Variants in CHRNA9 observed in about 807,000 individuals in gnomAD.
CHRNA9 encodes the protein neuronal acetylcholine receptor subunit alpha-9.
A neutral mutation model predicts 36.8 loss-of-function variants in CHRNA9; 24 were observed. The observed-to-expected ratio is 0.65, with a 90% CI of 0.47 to 0.92. CHRNA9 has a LOEUF of 0.92. Among genes scored for constraint, CHRNA9 ranks in the 40% least tolerant of loss-of-function variants. The pLI, the probability that CHRNA9 is intolerant of heterozygous loss-of-function variation, is 0.00. For missense variants in CHRNA9, 610 were observed against 601.2 expected (o/e 1.01, Z -0.15); for synonymous variants, 231 against 231.8 (o/e 1.00, Z 0.03).
At chr4:40,344,273 G>A (rs1463371403) in intron 3 of CHRNA9, among the ~76,000 whole-genome samples, 1 of 152,214 alleles carries the variant, frequency 6.6e-6, no homozygotes, top group Non-Finnish European at 1.5e-5. Context: ...GCTCGTGCCT[G>A]TAATCCCAGC....
intron 3 of CHRNA9, chr4:40,337,944 A>T (rs1712375152): frequency 6.6e-6 from 1 of 152,498 alleles, no homozygotes; most frequent in African/African-American, 2.4e-5. Flanking sequence ...ACCCTACTCC[A>T]GCGTGACTTC....
At position 40,354,370 on chromosome 4, in the gene CHRNA9, C is replaced by T; in HGVS notation, c.1290C>T (p.Tyr430=). 6.2e-7 allele frequency: 1 copy of T among 1,614,202 alleles called. No homozygotes were observed. The change falls in exon 5 of 5, where the codon TAC becomes TAT. Residue 430 remains tyrosine, a synonymous_variant. Coordinates refer to ENST00000310169, the MANE Select transcript of CHRNA9 (RefSeq NM_017581.4). ...AAGTGCTGACGAGGAATATTGAGTA[C>T]ATCGCCAAGTGCCTCAAAGACCACA... ...QYKVLTRNIE[Y]IAKCLKDHKA... is the part of the protein sequence containing the mutation.
rs142492482 is a variant in CHRNA9 at position 40,340,566 on chromosome 4, C to T, written c.365+3202C>T. On this transcript the variant is annotated intron_variant, in intron 3 of 4. Transcript: ENST00000310169. ...CTGTAGAATCTTCTGATGCCAGATACAATATCATTGCTTCTCAGAAGCAGG... is the reference window on the plus strand; with the variant it reads ...CTGTAGAATCTTCTGATGCCAGATATAATATCATTGCTTCTCAGAAGCAGG... Among the ~76,000 whole-genome samples, 551 of 152,256 alleles carry T rather than the reference C, an allele frequency of 3.6e-3. 4 individuals are homozygous for T. The highest frequency in any genetic ancestry group is 4.3e-3 in the Non-Finnish European group (291 of 68,016).
chr4:40,349,337 C>A lies in CHRNA9; in HGVS notation c.821C>A (p.Thr274Asn), dbSNP rs1400898008. The change falls in exon 4 of 5, where the codon ACC (threonine) becomes AAC (asparagine). Residue 274 changes from threonine (T) to asparagine (N), a missense_variant. Thr to Asn is a moderately conservative substitution (Grantham distance 65). Coordinates refer to ENST00000310169, the MANE Select transcript of CHRNA9 (RefSeq NM_017581.4). ...ASGEKVSLGV[T>N]ILLAMTVFQL... ...GGAGAAAAGGTCTCCCTGGGAGTGACCATCCTGTTGGCCATGACTGTATTT... is the reference window on the plus strand; with the variant it reads ...GGAGAAAAGGTCTCCCTGGGAGTGAACATCCTGTTGGCCATGACTGTATTT... 1.2e-6 allele frequency: 2 copies of A among 1,614,116 alleles called. No individual in the cohort carries two copies. Among genetic ancestry groups the A allele is most frequent in the Admixed American group, 3.3e-5 (2 of 60,016 alleles).
intron 2 of CHRNA9, 123 bp downstream of exon 2, chr4:40,336,095 G>A: frequency 2.5e-6 from 2 of 801,620 alleles, no homozygotes; most frequent in Non-Finnish European, 4.0e-6. Context: ...GCAAGCTGGT[G>A]GGAGAAGAGA....
chr4:40,348,090 G>A (rs150692645), intron 3 of CHRNA9: 2 of 152,266 alleles, frequency 1.3e-5, no homozygotes, highest in Non-Finnish European at 2.9e-5. Context: ...GCCATCACTA[G>A]GGTGATGCTT....
Position 40,349,183 on chromosome 4 carries a change from C to G in CHRNA9, c.667C>G (p.Pro223Ala). Residue 223 changes from proline (P) to alanine (A), a missense_variant, in exon 4 of 5, where the codon CCT becomes GCT. Transcript: ENST00000310169. ...NVISYGCCSEPYPDVTFTLLL... is the reference protein window; with the variant it reads ...NVISYGCCSEAYPDVTFTLLL... The stretch of plus-strand genomic sequence containing the variant: ...GATCTCCTATGGCTGCTGCTCTGAG[C>G]CTTACCCGGATGTCACATTCACCCT... 1 of 1,614,168 alleles carries G rather than the reference C, an allele frequency of 6.2e-7. No individual in the cohort carries two copies. Among genetic ancestry groups the G allele is most frequent in the Non-Finnish European group, 8.5e-7 (1 of 1,180,030 alleles).
chr4:40,343,691 C>T (rs530510615), intron 3 of CHRNA9, among the ~76,000 whole-genome samples: 9 of 152,318 alleles, frequency 5.9e-5, no homozygotes, highest in African/African-American at 2.2e-4. Context: ...TTAAACATGC[C>T]TTCCCAACCT....
intron 4 of CHRNA9, among the ~76,000 whole-genome samples, chr4:40,352,418 T>A (rs1159008096): frequency 6.6e-6 from 1 of 152,092 alleles, no homozygotes. Flanking sequence ...AGAGACGGGG[T>A]TTCACCATGT....
chr4:40,336,112 G>A (rs1712312057), intron 2 of CHRNA9, 140 bp downstream of exon 2: 2 of 709,558 alleles, frequency 2.8e-6, no homozygotes, highest in Admixed American at 2.5e-5. Flanking sequence ...GAGAATGTCG[G>A]GAAAAGGAAG....
chr4:40,351,841 A>T (rs1334292116), intron 4 of CHRNA9, among the ~76,000 whole-genome samples: 1 of 152,240 alleles, frequency 6.6e-6, no homozygotes, highest in East Asian at 1.9e-4. Flanking sequence ...TTCTTATGAT[A>T]CATTATCCTT....
intron 3 of CHRNA9, among the ~76,000 whole-genome samples, chr4:40,343,826 G>T (rs1046951084): frequency 6.6e-6 from 1 of 152,210 alleles, no homozygotes; most frequent in African/African-American, 2.4e-5. Context: ...TCTGCATGGA[G>T]CTGGGGCTTT....
chr4:40,353,515 A>G (rs1712861668), intron 4 of CHRNA9, among the ~76,000 whole-genome samples: 1 of 151,982 alleles, frequency 6.6e-6, no homozygotes, highest in Non-Finnish European at 1.5e-5. Flanking sequence ...AGTCTATACT[A>G]TTAACCACTA....
At chr4:40,345,816 G>A (rs1203033967) in intron 3 of CHRNA9, among the ~76,000 whole-genome samples, 1 of 152,224 alleles carries the variant, frequency 6.6e-6, no homozygotes, top group African/African-American at 2.4e-5. Context: ...CCTGAGGTCA[G>A]GAGTTCAAGA....
At chr4:40,339,597 C>T (rs1327837198) in intron 3 of CHRNA9, among the ~76,000 whole-genome samples, 4 of 137,940 alleles carry the variant, frequency 2.9e-5, no homozygotes, top group Admixed American at 1.6e-4. Context: ...ACCCGGGAGG[C>T]GGAGCTTGCA....
chr4:40,354,052 C>A lies in CHRNA9; in HGVS notation c.972C>A (p.His324Gln), dbSNP rs750603505. 2.5e-6 allele frequency: 4 copies of A among 1,614,112 alleles called. No homozygotes were observed. The East Asian group carries it at 8.9e-5, about 36-fold the overall frequency. Reference protein sequence around the residue: ...TALTIMVMNIHFCGAEARPVP... With the variant: ...TALTIMVMNIQFCGAEARPVP... ...TGACCATCATGGTGATGAATATCCA[C>A]TTCTGTGGGGCCGAGGCCCGGCCGG... The change falls in exon 5 of 5, where the codon CAC becomes CAA. Residue 324 changes from histidine (H) to glutamine (Q), a missense_variant. Coordinates refer to ENST00000310169, the MANE Select transcript of CHRNA9 (RefSeq NM_017581.4).
chr4:40,345,779 C>T (rs1335994500), intron 3 of CHRNA9, among the ~76,000 whole-genome samples: 1 of 152,146 alleles, frequency 6.6e-6, no homozygotes, highest in Non-Finnish European at 1.5e-5. Flanking sequence ...AATCCCAGCA[C>T]TCTGGGAGGC....
At position 40,354,332 on chromosome 4, in the gene CHRNA9, T is replaced by A. The variant is rs906679239; in HGVS notation, c.1252T>A (p.Cys418Ser). 1.2e-6 allele frequency: 2 copies of A among 1,614,174 alleles called. No individual in the cohort carries two copies. Among genetic ancestry groups the A allele is most frequent in the Non-Finnish European group, 1.7e-6 (2 of 1,180,022 alleles). The change falls in exon 5 of 5, where the codon TGT becomes AGT. Residue 418 changes from cysteine (C) to serine (S), a missense_variant. By Grantham distance (112) the Cys-to-Ser change is moderately radical. Coordinates refer to ENST00000310169, the MANE Select transcript of CHRNA9 (RefSeq NM_017581.4). ...GAACCCTCAGGAGGCCGAGAGTTAC[T>A]GTGCACAGTACAAAGTGCTGACGAG... is the stretch of plus-strand genomic sequence containing the variant. ...GKNPQEAESY[C>S]AQYKVLTRNI...
chr4:40,338,881 C>CCT (rs35180880), intron 3 of CHRNA9, among the ~76,000 whole-genome samples: 18 of 139,564 alleles, frequency 1.3e-4, no homozygotes, highest in African/African-American at 4.9e-4. Flanking sequence ...TCTCTCTCTC[C>CCT]CTCTCTCTCT....
Sources: allele counts gnomAD v4.1 joint callset (sites outside exome capture counted in the v4.1 genomes callset), GRCh38; gene constraint gnomAD v4.1.1; transcripts MANE v1.5; gene names NCBI Gene and HGNC (gene_info 2026-07-23, HGNC 2026-07-21).